The following RNF217 variants were observed in gnomAD, a reference collection of about 807,000 sequenced individuals.
RNF217 encodes E3 ubiquitin-protein ligase RNF217.
A neutral mutation model predicts 57.8 loss-of-function variants in RNF217; 31 were observed. The observed-to-expected ratio is 0.54, with a 90% CI of 0.40 to 0.72. RNF217 has a LOEUF of 0.72. Among genes scored for constraint, RNF217 ranks in the 30% least tolerant of loss-of-function variants. RNF217 has a pLI of 0.00. For synonymous variants in RNF217, 313 were observed against 294.0 expected, an observed-to-expected ratio of 1.06 and a Z score of -0.66; for missense variants, 696 against 708.3, an observed-to-expected ratio of 0.98 and a Z score of 0.20.
At chr6:124,981,102 A>C (rs1469531510) in intron 1 of RNF217, among the ~76,000 whole-genome samples, 1 of 152,254 alleles carries the variant, frequency 6.6e-6, no homozygotes, top group Admixed American at 6.5e-5. Context: ...GAGCAGTCAC[A>C]GACACTATAT....
At chr6:125,074,324 G>C (rs1788275239) in intron 3 of RNF217, among the ~76,000 whole-genome samples, 1 of 151,856 alleles carries the variant, frequency 6.6e-6, no homozygotes, top group African/African-American at 2.4e-5. Context: ...TAGATAGATA[G>C]ATAGATAGAT....
chr6:125,080,073 A>AT (rs1376134718), intron 4 of RNF217, among the ~76,000 whole-genome samples: 1 of 152,112 alleles, frequency 6.6e-6, no homozygotes, highest in Non-Finnish European at 1.5e-5. Flanking sequence ...CTATTAGGAA[A>AT]ATATACTGAT....
intron 1 of RNF217, among the ~76,000 whole-genome samples, chr6:125,041,734 A>G (rs975330062): frequency 6.6e-5 from 10 of 151,980 alleles, no homozygotes; most frequent in Non-Finnish European, 1.3e-4. Context: ...ACAGGTTACA[A>G]TCTGTCTTGT....
rs578012453 is a variant in RNF217, at chr6:124,997,137, A to G, written c.882+33711A>G. Among the ~76,000 whole-genome samples, 6 of 152,256 alleles carry G rather than the reference A, an allele frequency of 3.9e-5. No individual in the cohort carries two copies. The South Asian group carries it at 1.2e-3, about 32-fold the overall frequency. The stretch of plus-strand genomic sequence containing the variant: ...TGTATTCATTTGTTAAACTGATGAG[A>G]AGAGAATTTCTGTTTTGACCAGGCA... On this transcript the variant is annotated intron_variant, in intron 1 of 5. Transcript: ENST00000521654.
chr6:125,023,202 T>A (rs988079321), intron 1 of RNF217, among the ~76,000 whole-genome samples: 4 of 152,084 alleles, frequency 2.6e-5, no homozygotes, highest in African/African-American at 9.7e-5. Context: ...ACCTGAAGGA[T>A]TTAAGCAAGA....
intron 1 of RNF217, among the ~76,000 whole-genome samples, chr6:125,015,320 G>A (rs999592464): frequency 1.1e-4 from 16 of 152,152 alleles, no homozygotes; most frequent in African/African-American, 3.4e-4. Context: ...GGTTTTGTAA[G>A]ACATCTTTTT....
chr6:125,053,876 GTT>G (rs1410190836), intron 2 of RNF217, among the ~76,000 whole-genome samples: 5 of 152,112 alleles, frequency 3.3e-5, no homozygotes, highest in Non-Finnish European at 5.9e-5. Context: ...TTTTAGAAGA[GTT>G]TGTGCGTTGA....
intron 2 of RNF217, among the ~76,000 whole-genome samples, chr6:125,056,647 A>C (rs1272795861): frequency 2.6e-5 from 4 of 152,162 alleles, no homozygotes; most frequent in Non-Finnish European, 5.9e-5. Context: ...TTTTCCAAAA[A>C]GGAAATTCTA....
chr6:125,080,412 T>C (rs1788530450), intron 4 of RNF217, among the ~76,000 whole-genome samples: 1 of 152,142 alleles, frequency 6.6e-6, no homozygotes, highest in Non-Finnish European at 1.5e-5. Flanking sequence ...TTTGACAAAC[T>C]TCCAACAAAT....
chr6:125,065,009 A>C (rs1010566912), intron 3 of RNF217, among the ~76,000 whole-genome samples: 2 of 151,968 alleles, frequency 1.3e-5, no homozygotes, highest in African/African-American at 4.8e-5. Flanking sequence ...AAACTATGCA[A>C]TCACGCCGGT....
chr6:125,080,711 A>G (rs1330187904), intron 4 of RNF217, among the ~76,000 whole-genome samples: 1 of 152,116 alleles, frequency 6.6e-6, no homozygotes, highest in Non-Finnish European at 1.5e-5. Context: ...ACTTATGGCT[A>G]GAGTTTATCA....
chr6:124,968,673 A>G (rs927461821), intron 1 of RNF217, among the ~76,000 whole-genome samples: 2 of 152,192 alleles, frequency 1.3e-5, no homozygotes, highest in African/African-American at 4.8e-5. Context: ...AAATAACATT[A>G]CAAGTACTGC....
intron 3 of RNF217, among the ~76,000 whole-genome samples, chr6:125,072,097 C>T (rs1049139666): frequency 1.3e-5 from 2 of 152,110 alleles, no homozygotes; most frequent in African/African-American, 2.4e-5. Flanking sequence ...TAAAGGTGTA[C>T]TTGGGGAATT....
intron 1 of RNF217, among the ~76,000 whole-genome samples, chr6:125,005,396 C>T (rs1261060799): frequency 2.0e-5 from 3 of 152,106 alleles, no homozygotes; most frequent in African/African-American, 7.2e-5. Flanking sequence ...ATATGGCTTG[C>T]ATAACATAAG....
intron 1 of RNF217, chr6:125,008,902 T>G (rs1325852492): frequency 5.9e-6 from 1 of 170,282 alleles, no homozygotes; most frequent in Non-Finnish European, 1.2e-5. Flanking sequence ...CCAAATTACT[T>G]TCCTATGCCA....
intron 1 of RNF217, among the ~76,000 whole-genome samples, chr6:124,966,228 T>C (rs1046904156): frequency 6.6e-6 from 1 of 152,262 alleles, no homozygotes; most frequent in Non-Finnish European, 1.5e-5. Flanking sequence ...GTAATATTTT[T>C]GATCTGTGTC....
At chr6:125,004,663 C>A (rs1008731799) in intron 1 of RNF217, among the ~76,000 whole-genome samples, 1 of 152,136 alleles carries the variant, frequency 6.6e-6, no homozygotes, top group Admixed American at 6.6e-5. Context: ...TTTAAATGAT[C>A]CTCTGTTTCA....
chr6:124,983,024 C>G (rs558015298), intron 1 of RNF217, among the ~76,000 whole-genome samples: 2 of 152,278 alleles, frequency 1.3e-5, no homozygotes, highest in South Asian at 4.1e-4. Flanking sequence ...AAAAGGATCA[C>G]TTCATAGAGT....
intron 1 of RNF217, among the ~76,000 whole-genome samples, chr6:125,014,099 T>C (rs1785518808): frequency 6.6e-6 from 1 of 152,222 alleles, no homozygotes; most frequent in Non-Finnish European, 1.5e-5. Context: ...CAGAGGATGC[T>C]GTTTGCTTAG....
Sources: allele counts gnomAD v4.1 joint callset (sites outside exome capture counted in the v4.1 genomes callset), GRCh38; gene constraint gnomAD v4.1.1; transcripts MANE v1.5; gene names NCBI Gene and HGNC (gene_info 2026-07-23, HGNC 2026-07-21).